PRKCA: variants seen among roughly 807,000 people sequenced by gnomAD.
PRKCA encodes protein kinase C alpha type.
Under a neutral mutation model 87.0 loss-of-function variants are expected in PRKCA, and 27 were observed. The ratio of observed to expected loss-of-function variants is 0.31; its 90% CI spans 0.23 to 0.43. The LOEUF is 0.43. PRKCA is among the 20% of genes least tolerant of loss of function. The pLI is 1.00. For synonymous variants in PRKCA, 329 were observed against 311.1 expected (o/e 1.06, Z -0.61); for missense variants, 518 against 852.3 (o/e 0.61, Z 4.88).
At position 66,718,437 on chromosome 17, in the gene PRKCA, C is replaced by T. The variant is rs190778341; in HGVS notation, c.919-14251C>T. On this transcript the variant is annotated intron_variant, in intron 8 of 16. Coordinates refer to ENST00000413366, the MANE Select transcript of PRKCA (RefSeq NM_002737.3). The stretch of plus-strand genomic sequence containing the variant: ...AAGCAATCCTCCTGCTTCAGCCTCC[C>T]GAGTAGCTAGGACTACAGGTGCACG... Among the ~76,000 whole-genome samples the T allele has an allele frequency of 5.3e-5, 8 of 152,280 alleles. No individual in the cohort carries two copies. In the East Asian group the frequency reaches 7.7e-4, roughly 15 times the overall value.
At chr17:66,728,787 G>C (rs770179884) in intron 8 of PRKCA, among the ~76,000 whole-genome samples, 5 of 152,232 alleles carry the variant, frequency 3.3e-5, no homozygotes, top group Non-Finnish European at 7.3e-5. Flanking sequence ...CTTGTCAAAG[G>C]AGGAAGGCGG....
intron 9 of PRKCA, among the ~76,000 whole-genome samples, chr17:66,734,012 G>T (rs1233318524): frequency 6.6e-6 from 1 of 152,204 alleles, no homozygotes; most frequent in Non-Finnish European, 1.5e-5. Context: ...GGGCCTGATA[G>T]CTCCTACTGC....
At chr17:66,594,080 C>T (rs1050360212) in intron 3 of PRKCA, among the ~76,000 whole-genome samples, 2 of 152,120 alleles carry the variant, frequency 1.3e-5, no homozygotes, top group Admixed American at 6.6e-5. Context: ...AATGAAACTC[C>T]GTCTCAGAAA....
chr17:66,357,445 GTATTATAA>G (rs1908131684), intron 2 of PRKCA, among the ~76,000 whole-genome samples: 1 of 152,150 alleles, frequency 6.6e-6, no homozygotes, highest in Non-Finnish European at 1.5e-5. Context: ...AAATCCCAAT[GTATTATAA>G]TATGCAATTT....
intron 2 of PRKCA, among the ~76,000 whole-genome samples, chr17:66,439,936 T>A (rs1913636004): frequency 6.6e-6 from 1 of 152,212 alleles, no homozygotes; most frequent in Non-Finnish European, 1.5e-5. Context: ...AATCCCATAA[T>A]AAGTGCAACT....
rs1327672764 is a variant in PRKCA, at chr17:66,803,596, CAG to C, written c.1855-276_1855-275del. On this transcript the variant is annotated intron_variant, in intron 16 of 16. Transcript: ENST00000413366. The surrounding 1 kb of genome is among the most constrained non-coding windows in gnomAD (Gnocchi z 4.4). ...GCTCGGTGAGGTGGACGTGAGGGGA[CAG>C]GGGCTGTCCCCTTGTTGCTGCCTCA... 6.6e-6 allele frequency among the ~76,000 whole-genome samples: 1 copy of C among 152,146 alleles called. No homozygotes were observed. Among genetic ancestry groups the C allele is most frequent in the African/African-American group, 2.4e-5 (1 of 41,426 alleles).
chr17:66,576,806 T>C (rs2143432613), intron 3 of PRKCA, among the ~76,000 whole-genome samples: 1 of 152,108 alleles, frequency 6.6e-6, no homozygotes, highest in East Asian at 1.9e-4. Context: ...TAGGGAAGAT[T>C]TATGTGTTCG....
chr17:66,374,993 G>A (rs1296379623), intron 2 of PRKCA, among the ~76,000 whole-genome samples: 1 of 151,952 alleles, frequency 6.6e-6, no homozygotes, highest in Non-Finnish European at 1.5e-5. Context: ...TTGGCCTCTC[G>A]AAGTGCTGGG....
intron 16 of PRKCA, among the ~76,000 whole-genome samples, chr17:66,789,185 G>T (rs545164791): frequency 1.3e-5 from 2 of 152,368 alleles, no homozygotes; most frequent in African/African-American, 4.8e-5. Flanking sequence ...GACCGATAAG[G>T]CAGGGAGGGG....
intron 5 of PRKCA, chr17:66,676,303 T>C: frequency 6.6e-6 from 1 of 152,580 alleles, no homozygotes; most frequent in Non-Finnish European, 1.5e-5. Flanking sequence ...GTTTTTTCCC[T>C]TTTTCTATCT....
chr17:66,307,777 C>T (rs183234477), intron 2 of PRKCA, among the ~76,000 whole-genome samples: 1 of 152,214 alleles, frequency 6.6e-6, no homozygotes, highest in Admixed American at 6.5e-5. Context: ...ACATAACTCC[C>T]TTTTACCTAA....
chr17:66,579,862 C>A (rs1308656401), intron 3 of PRKCA, among the ~76,000 whole-genome samples: 2 of 152,072 alleles, frequency 1.3e-5, no homozygotes, highest in East Asian at 3.9e-4. Flanking sequence ...AGGAATTATA[C>A]ACCGAAGGTT....
At chr17:66,472,100 A>T (rs1915351238) in intron 2 of PRKCA, among the ~76,000 whole-genome samples, 1 of 152,126 alleles carries the variant, frequency 6.6e-6, no homozygotes, top group Non-Finnish European at 1.5e-5. Context: ...AGTAGCTAGG[A>T]TTACAGGCTT....
intron 8 of PRKCA, among the ~76,000 whole-genome samples, chr17:66,708,343 A>G (rs1218370783): frequency 6.6e-6 from 1 of 151,904 alleles, no homozygotes; most frequent in Non-Finnish European, 1.5e-5. Flanking sequence ...GTGGTCCGGG[A>G]AGGATTCCCT....
chr17:66,396,434 A>G (rs1008539452), intron 2 of PRKCA, among the ~76,000 whole-genome samples: 1 of 152,208 alleles, frequency 6.6e-6, no homozygotes, highest in African/African-American at 2.4e-5. Flanking sequence ...TAAATCATCC[A>G]TAATGCCATA....
intron 3 of PRKCA, among the ~76,000 whole-genome samples, chr17:66,566,286 CCTTA>C (rs1968886927): frequency 6.6e-6 from 1 of 152,020 alleles, no homozygotes; most frequent in Admixed American, 6.6e-5. Context: ...CTCAAAGTTC[CCTTA>C]CTTTTTTTCT....
At chr17:66,533,456 A>G (rs1161097207) in intron 3 of PRKCA, among the ~76,000 whole-genome samples, 1 of 152,170 alleles carries the variant, frequency 6.6e-6, no homozygotes, top group Non-Finnish European at 1.5e-5. Flanking sequence ...ATAATTATTA[A>G]GGGCATGTGT....
At chr17:66,714,255 G>A (rs1973417462) in intron 8 of PRKCA, among the ~76,000 whole-genome samples, 2 of 151,530 alleles carry the variant, frequency 1.3e-5, no homozygotes, top group African/African-American at 4.9e-5. Context: ...ATGCCCCCTT[G>A]TGAGTCCACG....
chr17:66,678,764 T>C (rs1972407368), intron 5 of PRKCA, among the ~76,000 whole-genome samples: 1 of 152,322 alleles, frequency 6.6e-6, no homozygotes, highest in Admixed American at 6.5e-5. Context: ...GAACACTGTT[T>C]TAGATACATT....
Sources: allele counts gnomAD v4.1 joint callset (sites outside exome capture counted in the v4.1 genomes callset), GRCh38; gene constraint gnomAD v4.1.1; non-coding constraint Gnocchi (gnomAD v3.1); transcripts MANE v1.5; gene names NCBI Gene and HGNC (gene_info 2026-07-23, HGNC 2026-07-21).